CPA3: variants seen among roughly 807,000 people sequenced by gnomAD.
The protein encoded by CPA3 is carboxypeptidase A3.
Under a neutral mutation model 55.8 loss-of-function variants are expected in CPA3, and 52 were observed. The ratio of observed to expected loss-of-function variants is 0.93; its 90% CI spans 0.75 to 1.17. CPA3 has a LOEUF of 1.17. Among genes scored for constraint, CPA3 ranks in the 50% most tolerant of loss-of-function variants. The pLI is 0.00. For synonymous variants in CPA3, 179 were observed against 171.2 expected (o/e 1.05, Z -0.36); for missense variants, 547 against 509.1 (o/e 1.07, Z -0.72).
At chr3:148,875,439 G>A (rs560961528) in intron 3 of CPA3, among the ~76,000 whole-genome samples, 9 of 152,052 alleles carry the variant, frequency 5.9e-5, no homozygotes, top group Non-Finnish European at 1.2e-4. Context: ...AGAGTATATT[G>A]AATATGGTTT....
chr3:148,865,366 G>T lies in CPA3; in HGVS notation c.59G>T (p.Arg20Leu), dbSNP rs148382472. 863 of 1,613,988 alleles carry T rather than the reference G, an allele frequency of 5.3e-4. No homozygotes were observed. Among genetic ancestry groups the T allele is most frequent in the Non-Finnish European group, 6.7e-4 (786 of 1,179,940 alleles). Residue 20 changes from arginine (R) to leucine (L), a missense_variant, in exon 1 of 11, where the codon CGC (arginine) becomes CTC (leucine). Transcript: ENST00000296046. ...ACCACTCTTGCAATTGCTCCTGTCC[G>T]CTTTGACAGGTAAATCTTACTTCCT... The part of the protein sequence containing the change: ...IATTLAIAPV[R>L]FDREKVFRVK...
At chr3:148,885,084 A>G (rs534016859) in intron 9 of CPA3, among the ~76,000 whole-genome samples, 1 of 152,292 alleles carries the variant, frequency 6.6e-6, no homozygotes, top group African/African-American at 2.4e-5. Context: ...TCATGACAAA[A>G]TGCCACTCTG....
In CPA3 at chr3:148,879,826, G is replaced by T; in HGVS notation, c.513G>T (p.Thr171=). The T allele has an allele frequency of 1.9e-6, 3 of 1,612,412 alleles. No individual in the cohort carries two copies. The highest frequency in any genetic ancestry group is 2.5e-6 in the Non-Finnish European group (3 of 1,178,642). The change falls in exon 6 of 11, where the codon ACG becomes ACT. Residue 171 remains threonine, a synonymous_variant. Coordinates refer to ENST00000296046, the MANE Select transcript of CPA3 (RefSeq NM_001870.4). ...EKNERRKAIF[T]DCGIHAREWV... ...ATGAAAGAAGAAAGGCTATTTTTAC[G>T]GATTGTGGCATTCACGCACGAGAAT...
chr3:148,877,854 G>A (rs1326250624), intron 3 of CPA3, among the ~76,000 whole-genome samples: 2 of 152,206 alleles, frequency 1.3e-5, no homozygotes, highest in Non-Finnish European at 1.5e-5. Flanking sequence ...GAAATTATAA[G>A]GTATGATCTG....
At chr3:148,896,054 C>A (rs1336534330) in intron 10 of CPA3, among the ~76,000 whole-genome samples, 1 of 152,076 alleles carries the variant, frequency 6.6e-6, no homozygotes, top group Non-Finnish European at 1.5e-5. Context: ...ATTACATTTT[C>A]TTGGTCTTTT....
At position 148,878,426 on chromosome 3, in the gene CPA3, T is replaced by A. The variant is rs778445496; in HGVS notation, c.270-15T>A. 53 of 1,517,606 alleles carry A rather than the reference T, an allele frequency of 3.5e-5. No individual in the cohort carries two copies. The highest frequency in any genetic ancestry group is 4.7e-5 in the Non-Finnish European group (51 of 1,092,526). 94.0% of individuals were successfully genotyped at this position (1,517,606 alleles called of 1,614,324 possible). A position where few individuals can be genotyped will look rare whatever the true frequency, so the allele number is the denominator to read the frequency against. ...CATGATAAAACATGTATTTTATCAT[T>A]CCCCTGTCAAACAGAATCTTGATTC... is the stretch of plus-strand genomic sequence containing the variant. On this transcript the variant is annotated splice_polypyrimidine_tract_variant and intron_variant, in intron 3 of 10. Coordinates refer to ENST00000296046, the MANE Select transcript of CPA3 (RefSeq NM_001870.4).
rs140648743 is a variant in CPA3 at position 148,891,511 on chromosome 3, CAT to C, written c.1067-5007_1067-5006del. ...ACACACACACACACACACACACACA[CAT>C]ACACACACACACACACACAAATTCT... is the stretch of plus-strand genomic sequence containing the variant. On this transcript the variant is annotated intron_variant, in intron 10 of 10. Transcript: ENST00000296046. Among the ~76,000 whole-genome samples the C allele has an allele frequency of 3.7e-3, 458 of 122,794 alleles. 2 individuals carry two copies. Among genetic ancestry groups the C allele is most frequent in the African/African-American group, 0.01 (305 of 29,560 alleles). 80.6% of individuals were successfully genotyped at this position (122,794 alleles called of 152,430 possible). A position where few individuals can be genotyped will look rare whatever the true frequency, so the allele number is the denominator to read the frequency against.
chr3:148,889,477 G>A (rs76197160), intron 10 of CPA3, among the ~76,000 whole-genome samples: 194 of 152,128 alleles, frequency 1.3e-3, no homozygotes, highest in African/African-American at 4.6e-3. Flanking sequence ...AACATGAGAG[G>A]CAAACATATC....
chr3:148,882,691 T>G (rs1400316563), intron 8 of CPA3, 96 bp downstream of exon 8: 1 of 903,974 alleles, frequency 1.1e-6, no homozygotes, highest in Non-Finnish European at 1.8e-6. Flanking sequence ...AAAATAGTTA[T>G]GCTTTGAGTG....
rs776998279 is a variant in CPA3 at position 148,868,897 on chromosome 3, T to C, written c.145-18T>C. On this transcript the variant is annotated intron_variant, in intron 2 of 10. Coordinates refer to ENST00000296046, the MANE Select transcript of CPA3 (RefSeq NM_001870.4). ...GTAAGCAAATAAACTCTGACTAACA[T>C]TGAGCTTATCTCTGCAGCTTGACTT... The C allele has an allele frequency of 2.5e-6, 4 of 1,611,668 alleles. No homozygotes were observed. Among genetic ancestry groups the C allele is most frequent in the African/African-American group, 2.7e-5 (2 of 74,888 alleles).
chr3:148,865,634 T>G, intron 2 of CPA3, 86 bp downstream of exon 2: 1 of 1,152,336 alleles, frequency 8.7e-7, no homozygotes, highest in South Asian at 1.4e-5. Context: ...CCCATGGGAC[T>G]ACAAAAGACT....
At chr3:148,876,216 AT>A (rs1460266135) in intron 3 of CPA3, among the ~76,000 whole-genome samples, 1 of 151,580 alleles carries the variant, frequency 6.6e-6, no homozygotes, top group Non-Finnish European at 1.5e-5. Context: ...ATATATATAT[AT>A]AAATAGATGA....
At chr3:148,879,527 A>T (rs1291118372) in intron 5 of CPA3, among the ~76,000 whole-genome samples, 1 of 152,190 alleles carries the variant, frequency 6.6e-6, no homozygotes, top group Non-Finnish European at 1.5e-5. Flanking sequence ...TGGACTACAA[A>T]TTTTTTTCAA....
intron 3 of CPA3, among the ~76,000 whole-genome samples, chr3:148,874,555 A>G (rs1295386302): frequency 1.3e-5 from 2 of 152,200 alleles, no homozygotes; most frequent in South Asian, 2.1e-4. Flanking sequence ...CAGAAATCCT[A>G]GGTTCATCAT....
In CPA3 at chr3:148,896,587, G is replaced by C. The variant is rs910148131; in HGVS notation, c.1134G>C (p.Glu378Asp). ...DLGIKHTFAF[E>D]LRDKGKFGFL... The stretch of plus-strand genomic sequence containing the variant: ...GCATCAAACACACATTTGCCTTTGA[G>C]CTCCGAGATAAAGGCAAATTTGGTT... Residue 378 changes from glutamate (E) to aspartate (D), a missense_variant, in exon 11 of 11, where the codon GAG (glutamate) becomes GAC (aspartate). Glu to Asp is a conservative substitution (Grantham distance 45). Coordinates refer to ENST00000296046, the MANE Select transcript of CPA3 (RefSeq NM_001870.4). The C allele has an allele frequency of 1.0e-5, 16 of 1,586,460 alleles. No individual in the cohort carries two copies. The highest frequency in any genetic ancestry group is 1.4e-5 in the Non-Finnish European group (16 of 1,158,996).
In CPA3 at chr3:148,887,450, C is replaced by T. The variant is rs149103692; in HGVS notation, c.1066+1273C>T. Among the ~76,000 whole-genome samples, 266 of 152,240 alleles carry T rather than the reference C, an allele frequency of 1.7e-3. 1 individual carries two copies. The highest frequency in any genetic ancestry group is 5.9e-3 in the African/African-American group (247 of 41,540). On this transcript the variant is annotated intron_variant, in intron 10 of 10. Coordinates refer to ENST00000296046, the MANE Select transcript of CPA3 (RefSeq NM_001870.4). ...GTAGTATTTCCCAGTTATTAGTAACCGGCGAAGCTGGAACTCAATCTCAGA... is the reference window on the plus strand; with the variant it reads ...GTAGTATTTCCCAGTTATTAGTAACTGGCGAAGCTGGAACTCAATCTCAGA...
At chr3:148,869,081 G>A (rs1040835131) in intron 3 of CPA3, 42 bp downstream of exon 3, 3 of 1,603,142 alleles carry the variant, frequency 1.9e-6, no homozygotes, top group Non-Finnish European at 1.7e-6. Flanking sequence ...GATATTCAAA[G>A]TTTTGGGAGC....
chr3:148,888,454 GA>G (rs1442143587), intron 10 of CPA3, among the ~76,000 whole-genome samples: 1 of 152,188 alleles, frequency 6.6e-6, no homozygotes, highest in African/African-American at 2.4e-5. Context: ...CCATGCTGGG[GA>G]CTCATTACAC....
At chr3:148,877,965 C>G (rs1055264772) in intron 3 of CPA3, among the ~76,000 whole-genome samples, 1 of 151,956 alleles carries the variant, frequency 6.6e-6, no homozygotes. Context: ...CAGTACAATA[C>G]GAGCCACATG....
Sources: gnomAD v4.1 joint callset for allele counts (sites outside exome capture counted in the v4.1 genomes callset) on GRCh38, gnomAD v4.1.1 for gene constraint, MANE v1.5 for transcripts, NCBI Gene and HGNC (gene_info 2026-07-23, HGNC 2026-07-21) for gene names.